MAU2: variants seen among roughly 807,000 people sequenced by gnomAD.
The protein encoded by MAU2 is MAU2 sister chromatid cohesion factor.
In MAU2, 9 loss-of-function variants were observed where a neutral mutation model predicts 89.1. That is an observed-to-expected ratio of 0.10 (90% CI 0.06 to 0.18). The LOEUF (loss-of-function observed/expected upper bound fraction) is 0.18, where lower values mean the gene tolerates loss of function less well. Ranked by LOEUF, MAU2 falls within the 10% of genes least tolerant of loss-of-function variation. The pLI, the probability that MAU2 is intolerant of heterozygous loss-of-function variation, is 1.00. For missense variants in MAU2, 425 were observed against 803.5 expected (o/e 0.53, Z 5.69); for synonymous variants, 357 against 343.4 (o/e 1.04, Z -0.44).
intron 14 of MAU2, 63 bp downstream of exon 14, chr19:19,349,001 C>A: frequency 6.3e-7 from 1 of 1,583,380 alleles, no homozygotes; most frequent in African/African-American, 1.3e-5. Flanking sequence ...TGGTTGGGGC[C>A]CCTGACTGCC....
At chr19:19,347,549 G>A in intron 13 of MAU2, 183 bp downstream of exon 13, 1 of 573,384 alleles carries the variant, frequency 1.7e-6, no homozygotes, top group Non-Finnish European at 3.2e-6. Context: ...TATGGCCGGG[G>A]GAGGCCAGGT....
intron 1 of MAU2, among the ~76,000 whole-genome samples, chr19:19,324,314 G>C (rs1475865069): frequency 1.3e-5 from 2 of 152,188 alleles, no homozygotes; most frequent in Non-Finnish European, 2.9e-5. Context: ...TGATGGCAAG[G>C]AGTGCCTAAG....
At chr19:19,347,197 G>A (rs1464951927) in intron 12 of MAU2, 83 bp from the exon 13 acceptor site, 37 of 821,434 alleles carry the variant, frequency 4.5e-5, no homozygotes, top group Non-Finnish European at 5.8e-5. Context: ...AGTAGTCTCC[G>A]TGGAGATTGT....
chr19:19,350,714 CA>C (rs1359096099), intron 16 of MAU2, among the ~76,000 whole-genome samples: 3 of 151,738 alleles, frequency 2.0e-5, no homozygotes, highest in Non-Finnish European at 4.4e-5. Flanking sequence ...TCCTGGCTAA[CA>C]CGGTGAAACC....
rs1418641170 is a variant in MAU2 at position 19,342,795 on chromosome 19, T to C, written c.902T>C (p.Met301Thr). ...CGCTAGGTGACTGTGATGCACTCCA[T>C]GCAGGCCGGCTACCTGGAGAAGGCG... ...LVYLVTVMHS[M>T]QAGYLEKAQK... The change falls in exon 9 of 19, where the codon ATG (methionine) becomes ACG (threonine). Residue 301 changes from methionine (M) to threonine (T), a missense_variant. Transcript: ENST00000262815. 2.5e-6 allele frequency: 4 copies of C among 1,613,966 alleles called. No individual in the cohort carries two copies. Among genetic ancestry groups the C allele is most frequent in the Non-Finnish European group, 8.5e-7 (1 of 1,180,002 alleles).
At chr19:19,354,591 C>T (rs1031946191) in intron 17 of MAU2, 146 bp downstream of exon 17, 3 of 688,706 alleles carry the variant, frequency 4.4e-6, no homozygotes, top group Middle Eastern at 7.5e-4. Context: ...GGGGGTGCTC[C>T]TCAGGAGACC....
At chr19:19,335,237 C>T (rs1034460748) in intron 1 of MAU2, among the ~76,000 whole-genome samples, 2 of 152,200 alleles carry the variant, frequency 1.3e-5, no homozygotes, top group African/African-American at 2.4e-5. Context: ...TTTCAAATGC[C>T]TCTTGCTCAG....
intron 1 of MAU2, among the ~76,000 whole-genome samples, chr19:19,325,003 C>G (rs986207152): frequency 1.3e-5 from 2 of 152,068 alleles, no homozygotes; most frequent in Non-Finnish European, 2.9e-5. Context: ...ATCGTATGTT[C>G]TCCGCTTAGA....
intron 1 of MAU2, 77 bp downstream of exon 1, chr19:19,321,212 G>C (rs539886810): frequency 8.6e-6 from 12 of 1,403,310 alleles, no homozygotes; most frequent in African/African-American, 3.0e-5. Context: ...CGACCGCGGC[G>C]GGTGGGGGGC....
intron 1 of MAU2, among the ~76,000 whole-genome samples, chr19:19,324,428 C>T (rs1251458530): frequency 1.3e-5 from 2 of 152,136 alleles, no homozygotes; most frequent in African/African-American, 4.8e-5. Context: ...TCTGGTGGCC[C>T]AGCATCTCCA....
intron 1 of MAU2, among the ~76,000 whole-genome samples, chr19:19,330,809 G>A (rs1320108908): frequency 6.6e-6 from 1 of 151,784 alleles, no homozygotes; most frequent in African/African-American, 2.4e-5. Flanking sequence ...ACCGAGCCAG[G>A]AGGATCTCTT....
chr19:19,348,629 A>G (rs1282748957), intron 13 of MAU2: 2 of 606,960 alleles, frequency 3.3e-6, no homozygotes, highest in African/African-American at 3.7e-5. Flanking sequence ...CACTCTGACC[A>G]TACAAAGGCC....
chr19:19,340,933 C>T (rs2061639729), intron 6 of MAU2, 60 bp downstream of exon 6: 1 of 1,604,648 alleles, frequency 6.2e-7, no homozygotes, highest in African/African-American at 1.3e-5. Context: ...GGCAGGGCCC[C>T]CACAGAGTCT....
intron 1 of MAU2, chr19:19,328,945 C>A: frequency 2.4e-6 from 1 of 421,524 alleles, no homozygotes; most frequent in Non-Finnish European, 4.8e-6. Context: ...GCCATGCGTG[C>A]TTTCTCTGTG....
At chr19:19,344,970 C>A (rs745893860) in intron 11 of MAU2, 44 bp downstream of exon 11, 23 of 1,566,402 alleles carry the variant, frequency 1.5e-5, no homozygotes, top group Non-Finnish European at 2.0e-5. Context: ...CCAGAATGTT[C>A]TCAGTAAGTA....
At chr19:19,323,310 T>C (rs1321643980) in intron 1 of MAU2, among the ~76,000 whole-genome samples, 2 of 152,022 alleles carry the variant, frequency 1.3e-5, no homozygotes, top group African/African-American at 2.4e-5. Flanking sequence ...TTCTCTTGCC[T>C]CAGCCTCCCG....
In MAU2 at chr19:19,353,031, G is replaced by C. The variant is rs1272738490; in HGVS notation, c.1549-1324G>C. On this transcript the variant is annotated intron_variant, in intron 16 of 18. Transcript: ENST00000262815. ...GCTAGGCAGGGGCTGCCACAGAGAT[G>C]GGCACCACAGCAGTCAGAGCACAAG... 4 of 152,580 alleles carry C rather than the reference G, an allele frequency of 2.6e-5. No individual in the cohort carries two copies. In the East Asian group the frequency reaches 7.7e-4, roughly 29 times the overall value. 9.5% of individuals were successfully genotyped at this position (152,580 alleles called of 1,614,324 possible). A position where few individuals can be genotyped will look rare whatever the true frequency, so the allele number is the denominator to read the frequency against.
At chr19:19,335,791 A>G (rs1027865893) in intron 2 of MAU2, 56 bp downstream of exon 2, 1 of 1,591,082 alleles carries the variant, frequency 6.3e-7, no homozygotes, top group African/African-American at 1.3e-5. Flanking sequence ...TTAAATAAAA[A>G]GAATGTATCA....
intron 1 of MAU2, among the ~76,000 whole-genome samples, chr19:19,331,838 CCTGACACCAGGCCCATA>C (rs1205447200): frequency 6.6e-6 from 1 of 152,208 alleles, no homozygotes; most frequent in African/African-American, 2.4e-5. Context: ...ACTGGCTCAC[CCTGACACCAGGCCCATA>C]CTGCCCTTCA....
Sources: gnomAD v4.1 joint callset for allele counts (sites outside exome capture counted in the v4.1 genomes callset) on GRCh38, gnomAD v4.1.1 for gene constraint, MANE v1.5 for transcripts, NCBI Gene and HGNC (gene_info 2026-07-23, HGNC 2026-07-21) for gene names.